The following L3MBTL1 variants were observed in gnomAD, a reference collection of about 807,000 sequenced individuals.
The protein encoded by L3MBTL1 is L3MBTL histone methyl-lysine binding protein 1, also known as lethal(3)malignant brain tumor-like protein 1.
L3MBTL1 carries 75 observed loss-of-function variants against 105.3 expected under a neutral mutation model. That is an observed-to-expected ratio of 0.71 (90% CI 0.59 to 0.86). L3MBTL1 has a LOEUF of 0.86. L3MBTL1 is among the 40% of genes least tolerant of loss of function. L3MBTL1 has a pLI of 0.00. For missense variants in L3MBTL1, 1,069 were observed against 1,126.4 expected, an observed-to-expected ratio of 0.95 and a Z score of 0.73; for synonymous variants, 452 against 436.2, an observed-to-expected ratio of 1.04 and a Z score of -0.45.
downstream of L3MBTL1, among the ~76,000 whole-genome samples, chr20:43,545,203 G>A (rs1027218155): frequency 1.3e-4 from 19 of 151,520 alleles, no homozygotes; most frequent in African/African-American, 4.1e-4. Context: ...CTGTCTATAC[G>A]AAAAATACAA....
chr20:43,515,482 T>C, intron 6 of L3MBTL1, 67 bp downstream of exon 6: 2 of 1,511,058 alleles, frequency 1.3e-6, no homozygotes, highest in Non-Finnish European at 1.8e-6. Context: ...CACTGTCCCC[T>C]CCATCAATCC....
intron 1 of L3MBTL1, among the ~76,000 whole-genome samples, chr20:43,508,516 C>T (rs2018046997): frequency 6.6e-6 from 1 of 152,230 alleles, no homozygotes; most frequent in Non-Finnish European, 1.5e-5. Flanking sequence ...ATAGTAAGGA[C>T]ATTTATTGGT....
rs2018333543 is a variant in L3MBTL1, at chr20:43,515,341, C to T, written c.703C>T (p.Leu235Phe). 3 of 1,582,240 alleles carry T rather than the reference C, an allele frequency of 1.9e-6. No individual in the cohort carries two copies. The highest frequency in any genetic ancestry group is 2.6e-6 in the Non-Finnish European group (3 of 1,162,692). Residue 235 changes from leucine to phenylalanine, a missense_variant, in exon 6 of 22, where the codon CTC (leucine) becomes TTC (phenylalanine). Leu to Phe is a conservative substitution (Grantham distance 22, BLOSUM62 0). Transcript: ENST00000418998. ...AGGCTCTACCAGCGCTTCTGAGCTC[C>T]TCAAACCCATGAAGAAGAGGAAGCG... ...SSGSTSASELLKPMKKRKRRE... is the reference protein window; with the variant it reads ...SSGSTSASELFKPMKKRKRRE...
chr20:43,517,543 T>C (rs2018466129), intron 7 of L3MBTL1, among the ~76,000 whole-genome samples: 1 of 152,232 alleles, frequency 6.6e-6, no homozygotes, highest in South Asian at 2.1e-4. Flanking sequence ...GCAGTGATTA[T>C]AGGCATGTGC....
intron 7 of L3MBTL1, among the ~76,000 whole-genome samples, chr20:43,522,457 G>A (rs79911777): frequency 1.0e-5 from 1 of 95,896 alleles, no homozygotes; most frequent in African/African-American, 4.7e-5. Flanking sequence ...TCCCTGCTAA[G>A]TTTTTTTTTT....
chr20:43,537,010 A>G (rs2019666103), intron 19 of L3MBTL1, among the ~76,000 whole-genome samples: 1 of 152,212 alleles, frequency 6.6e-6, no homozygotes, highest in South Asian at 2.1e-4. Context: ...TCTAACATGT[A>G]TATTGTTCTT....
At chr20:43,545,476 A>G (rs975077554), downstream of L3MBTL1, among the ~76,000 whole-genome samples, 10 of 152,014 alleles carry the variant, frequency 6.6e-5, no homozygotes, top group African/African-American at 2.4e-4. Flanking sequence ...AGAGCTCCTC[A>G]GGTCCAAGGG....
At chr20:43,533,255 G>T in intron 12 of L3MBTL1, 87 bp from the exon 13 acceptor site, 1 of 1,192,876 alleles carries the variant, frequency 8.4e-7, no homozygotes, top group Non-Finnish European at 1.2e-6. Context: ...AAGTAGATGA[G>T]GGTGGGCCCT....
Position 43,540,813 on chromosome 20 carries a change from G to A in L3MBTL1, c.2392G>A (p.Glu798Lys), listed in dbSNP as rs374218279. ...GGACCAAGCACGCCTCTTCAAAGAC[G>A]AGGTAAGGTGCAAGTGCAGAGTGGG... The part of the protein sequence containing the change: ...CEDQARLFKD[E>K]ARIVRVTHVS... The change falls in exon 21 of 22, where the codon GAG becomes AAG. Residue 798 changes from glutamate (E) to lysine (K), a missense_variant and splice_region_variant. Coordinates refer to ENST00000418998, the MANE Select transcript of L3MBTL1 (RefSeq NM_001377303.1). 9 of 1,614,164 alleles carry A rather than the reference G, an allele frequency of 5.6e-6. No individual in the cohort carries two copies. Among genetic ancestry groups the A allele is most frequent in the Non-Finnish European group, 6.8e-6 (8 of 1,180,012 alleles).
intron 7 of L3MBTL1, chr20:43,523,398 C>G (rs776732429): frequency 1.8e-5 from 4 of 219,716 alleles, no homozygotes; most frequent in African/African-American, 2.3e-5. Context: ...AAGGAAAACC[C>G]AAGCATCCCT....
At chr20:43,545,036 T>A (rs1176432232), downstream of L3MBTL1, among the ~76,000 whole-genome samples, 1 of 152,056 alleles carries the variant, frequency 6.6e-6, no homozygotes, top group East Asian at 1.9e-4. Flanking sequence ...GCCAGGGGTT[T>A]CTTTCCTTCA....
chr20:43,528,269 T>G (rs1041897564), intron 7 of L3MBTL1, among the ~76,000 whole-genome samples: 2 of 152,216 alleles, frequency 1.3e-5, no homozygotes, highest in Admixed American at 6.5e-5. Context: ...TTTCCTCTCC[T>G]TTCCTTGTGA....
At chr20:43,532,672 C>A in intron 11 of L3MBTL1, 101 bp from the exon 12 acceptor site, 1 of 1,298,722 alleles carries the variant, frequency 7.7e-7, no homozygotes, top group Admixed American at 2.1e-5. Context: ...TGCCCACACC[C>A]CAGGCTTTCC....
At chr20:43,530,216 G>C in intron 9 of L3MBTL1, 68 bp from the exon 10 acceptor site, 1 of 1,601,396 alleles carries the variant, frequency 6.2e-7, no homozygotes, top group Non-Finnish European at 8.5e-7. Context: ...TGGGCCAGGA[G>C]AGGTGAGGCA....
chr20:43,547,956 T>C (rs1486086871), intron 18 of L3MBTL1, among the ~76,000 whole-genome samples: 1 of 151,260 alleles, frequency 6.6e-6, no homozygotes, highest in Non-Finnish European at 1.5e-5. Flanking sequence ...CCCGGTCCTT[T>C]CTCTCCCCTT....
At chr20:43,509,162 A>G (rs1374372390) in intron 1 of L3MBTL1, among the ~76,000 whole-genome samples, 1 of 150,900 alleles carries the variant, frequency 6.6e-6, no homozygotes, top group African/African-American at 2.4e-5. Context: ...TTTTCTTTAT[A>G]CTCAGTTATG....
At chr20:43,524,471 T>G (rs549407694) in intron 7 of L3MBTL1, among the ~76,000 whole-genome samples, 23 of 152,174 alleles carry the variant, frequency 1.5e-4, no homozygotes, top group Admixed American at 3.3e-4. Flanking sequence ...GAAATAGATA[T>G]GTCAACAGAT....
chr20:43,535,733 G>A (rs2019569597), intron 16 of L3MBTL1, 104 bp from the exon 17 acceptor site: 2 of 701,928 alleles, frequency 2.8e-6, no homozygotes, highest in Non-Finnish European at 4.9e-6. Context: ...TCCTTGGGGA[G>A]TGGGTTTCTA....
Position 43,514,698 on chromosome 20 carries a change from C to T in L3MBTL1, c.424C>T (p.Leu142=). ...AGVEQPPSPE[L]RQEGVTEYED... ...AGTGGAGCAGCCCCCGAGCCCCGAGCTGCGGCAGGAAGGCGTGACCGAATA... is the reference window on the plus strand; with the variant it reads ...AGTGGAGCAGCCCCCGAGCCCCGAGTTGCGGCAGGAAGGCGTGACCGAATA... The change falls in exon 4 of 22, where the codon CTG becomes TTG. Residue 142 remains leucine (L), a synonymous_variant. Coordinates refer to ENST00000418998, the MANE Select transcript of L3MBTL1 (RefSeq NM_001377303.1). 1 of 1,585,230 alleles carries T rather than the reference C, an allele frequency of 6.3e-7. No homozygotes were observed. The highest frequency in any genetic ancestry group is 8.6e-7 in the Non-Finnish European group (1 of 1,166,070).
Sources: gnomAD v4.1 joint callset for allele counts (sites outside exome capture counted in the v4.1 genomes callset) on GRCh38, gnomAD v4.1.1 for gene constraint, MANE v1.5 for transcripts, NCBI Gene and HGNC (gene_info 2026-07-23, HGNC 2026-07-21) for gene names.